Variants in FSTL4 observed in about 807,000 individuals in gnomAD.
FSTL4 encodes the protein follistatin like 4, also known as follistatin-related protein 4.
In FSTL4, 28 loss-of-function variants were observed where a neutral mutation model predicts 78.2. That is an observed-to-expected ratio of 0.36 (90% CI 0.27 to 0.49). The LOEUF (loss-of-function observed/expected upper bound fraction) is 0.49, where lower values mean the gene tolerates loss of function less well. FSTL4 is among the 20% of genes least tolerant of loss of function. FSTL4 has a pLI of 0.98. For synonymous variants in FSTL4, 422 were observed against 440.5 expected (o/e 0.96, Z 0.53); for missense variants, 922 against 1,084.9 (o/e 0.85, Z 2.11).
At chr5:133,494,207 G>A (rs1474157741) in intron 3 of FSTL4, among the ~76,000 whole-genome samples, 1 of 152,008 alleles carries the variant, frequency 6.6e-6, no homozygotes, top group Admixed American at 6.5e-5. Flanking sequence ...AACCACAGCA[G>A]AAAGAAAAAA....
intron 3 of FSTL4, among the ~76,000 whole-genome samples, chr5:133,446,435 T>TAAC (rs1367409274): frequency 6.6e-6 from 1 of 152,084 alleles, no homozygotes; most frequent in Non-Finnish European, 1.5e-5. Context: ...GACTCTGTCT[T>TAAC]AACAACAACA....
At chr5:133,625,381 A>T in the FSTL4 span, among the ~76,000 whole-genome samples, 1 of 151,608 alleles carries the variant, frequency 6.6e-6, no homozygotes, top group African/African-American at 2.4e-5. Flanking sequence ...ATTTAATTTT[A>T]GTTGTCAAAT....
chr5:133,662,444 G>A, the FSTL4 span, among the ~76,000 whole-genome samples: 1 of 152,142 alleles, frequency 6.6e-6, no homozygotes, highest in Admixed American at 6.5e-5. Flanking sequence ...CTTTTCTCCA[G>A]ATCAGACAAC....
At chr5:133,783,160 T>C in the FSTL4 span, among the ~76,000 whole-genome samples, 1 of 152,084 alleles carries the variant, frequency 6.6e-6, no homozygotes, top group Admixed American at 6.5e-5. Context: ...TTTTTGCAGC[T>C]CCCCACCACA....
intron 4 of FSTL4, among the ~76,000 whole-genome samples, chr5:133,337,202 G>A (rs1033412492): frequency 1.3e-5 from 2 of 152,212 alleles, no homozygotes; most frequent in African/African-American, 4.8e-5. Context: ...TCCAGACAGC[G>A]TGCACCAGGA....
intron 3 of FSTL4, among the ~76,000 whole-genome samples, chr5:133,448,836 G>T (rs1236859772): frequency 6.6e-6 from 1 of 151,980 alleles, no homozygotes; most frequent in Non-Finnish European, 1.5e-5. Context: ...TGATAAGATG[G>T]GGTTTTAAAT....
At chr5:133,498,971 G>T (rs1175719845) in intron 3 of FSTL4, among the ~76,000 whole-genome samples, 1 of 150,620 alleles carries the variant, frequency 6.6e-6, no homozygotes, top group African/African-American at 2.5e-5. Flanking sequence ...AATCCCAAAG[G>T]CCACCATGTT....
chr5:133,398,795 T>C (rs1756138658), intron 4 of FSTL4, among the ~76,000 whole-genome samples: 1 of 152,208 alleles, frequency 6.6e-6, no homozygotes, highest in African/African-American at 2.4e-5. Context: ...AGAACTGAGA[T>C]GCCACCCTTG....
chr5:133,541,321 G>A (rs1484840204), intron 3 of FSTL4, among the ~76,000 whole-genome samples: 1 of 152,148 alleles, frequency 6.6e-6, no homozygotes. Flanking sequence ...GGCTGTCTCA[G>A]GCTCTTTCCA....
intron 3 of FSTL4, among the ~76,000 whole-genome samples, chr5:133,538,277 C>T (rs1044665227): frequency 6.6e-6 from 1 of 152,060 alleles, no homozygotes; most frequent in Non-Finnish European, 1.5e-5. Flanking sequence ...GTAGAATGTC[C>T]CTCAACATGG....
At chr5:133,309,189 G>A (rs527933283) in intron 6 of FSTL4, among the ~76,000 whole-genome samples, 4 of 152,042 alleles carry the variant, frequency 2.6e-5, no homozygotes, top group South Asian at 2.1e-4. Flanking sequence ...TGGAGCCTGG[G>A]TCTCTGCCAT....
intron 6 of FSTL4, among the ~76,000 whole-genome samples, chr5:133,264,492 G>A (rs1157780591): frequency 1.3e-5 from 2 of 152,138 alleles, no homozygotes; most frequent in African/African-American, 2.4e-5. Flanking sequence ...CAGACACCAG[G>A]CTTGGGGGGC....
At chr5:133,655,909 A>T in the FSTL4 span, among the ~76,000 whole-genome samples, 1 of 152,198 alleles carries the variant, frequency 6.6e-6, no homozygotes, top group Non-Finnish European at 1.5e-5. Context: ...CGTTTTGCAG[A>T]TGAGAAAACC....
At chr5:133,567,672 T>C (rs1760057333) in intron 2 of FSTL4, among the ~76,000 whole-genome samples, 1 of 152,272 alleles carries the variant, frequency 6.6e-6, no homozygotes, top group Non-Finnish European at 1.5e-5. Context: ...CTACTGGATA[T>C]GTCACTGACA....
chr5:133,474,251 C>G (rs542057874), intron 3 of FSTL4, among the ~76,000 whole-genome samples: 3 of 152,102 alleles, frequency 2.0e-5, no homozygotes, highest in African/African-American at 4.8e-5. Flanking sequence ...CAGTTTTTGA[C>G]CCCTGCATCA....
chr5:133,479,208 A>G (rs1339780904), intron 3 of FSTL4, among the ~76,000 whole-genome samples: 1 of 152,150 alleles, frequency 6.6e-6, no homozygotes, highest in Non-Finnish European at 1.5e-5. Flanking sequence ...AATCCCATGA[A>G]GGCGGGGACC....
At chr5:133,678,056 G>A in the FSTL4 span, among the ~76,000 whole-genome samples, 61 of 152,200 alleles carry the variant, frequency 4.0e-4, no homozygotes, top group African/African-American at 1.4e-3. Flanking sequence ...TATCATTTTT[G>A]TTCTGAGAAC....
At chr5:133,771,637 G>A in the FSTL4 span, among the ~76,000 whole-genome samples, 1 of 151,270 alleles carries the variant, frequency 6.6e-6, no homozygotes, top group African/African-American at 2.4e-5. Flanking sequence ...TTTTTTTTGT[G>A]GAGTCTTTAG....
At chr5:133,208,458 C>G (rs1302881663) in intron 14 of FSTL4, 1 of 151,816 alleles carries the variant, frequency 6.6e-6, no homozygotes, top group African/African-American at 2.4e-5. Context: ...TTGTAGATTC[C>G]TTTTAATCTA....
Sources: allele counts gnomAD v4.1 joint callset (sites outside exome capture counted in the v4.1 genomes callset), GRCh38; gene constraint gnomAD v4.1.1; transcripts MANE v1.5; gene names NCBI Gene and HGNC (gene_info 2026-07-23, HGNC 2026-07-21).